RFX2: variants seen among roughly 807,000 people sequenced by gnomAD.
RFX2 encodes DNA-binding protein RFX2.
A neutral mutation model predicts 87.8 loss-of-function variants in RFX2; 20 were observed. That is an observed-to-expected ratio of 0.23 (90% CI 0.16 to 0.33). The LOEUF is 0.33. Among genes scored for constraint, RFX2 ranks in the 10% least tolerant of loss-of-function variants. The pLI, the probability that RFX2 is intolerant of heterozygous loss-of-function variation, is 1.00. For missense variants in RFX2, 767 were observed against 1,012.3 expected, an observed-to-expected ratio of 0.76 and a Z score of 3.29; for synonymous variants, 397 against 431.3, an observed-to-expected ratio of 0.92 and a Z score of 0.98.
In RFX2 at chr19:6,001,727, G is replaced by C; in HGVS notation, c.1859+88C>G. The C allele has an allele frequency of 8.4e-7, 1 of 1,186,316 alleles. No homozygotes were observed. Among genetic ancestry groups the C allele is most frequent in the Admixed American group, 2.6e-5 (1 of 38,772 alleles). 73.5% of individuals were successfully genotyped at this position (1,186,316 alleles called of 1,614,324 possible). A position where few individuals can be genotyped will look rare whatever the true frequency, so the allele number is the denominator to read the frequency against. ...TCTGCTGAGCCCTGTTTTGCTCTGA[G>C]CTCACCAGCCGAGCCCCCTACCCTC... On this transcript the variant is annotated intron_variant, in intron 15 of 17. Transcript: ENST00000303657. This position sits in a 1 kb window ranked among gnomAD's most constrained non-coding sequence, Gnocchi z 5.6.
In RFX2 at chr19:6,020,973, A is replaced by T. The variant is rs1044245106; in HGVS notation, c.598-4702T>A. Among the ~76,000 whole-genome samples the T allele has an allele frequency of 1.3e-5, 2 of 152,170 alleles. No individual in the cohort carries two copies. Among genetic ancestry groups the T allele is most frequent in the East Asian group, 1.9e-4 (1 of 5,198 alleles). On this transcript the variant is annotated intron_variant, in intron 6 of 17. Coordinates refer to ENST00000303657, the MANE Select transcript of RFX2 (RefSeq NM_000635.4). This position sits in a 1 kb window ranked among gnomAD's most constrained non-coding sequence, Gnocchi z 5.3. ...GCGCCTCCCTCTCCCCGGCCCCCCA[A>T]CAAAGGCCTGTGGTTCTGGGCTCTT...
In RFX2 at chr19:6,047,461, C is replaced by T. The variant is rs371891474; in HGVS notation, c.36G>A (p.Ala12=). 6.2e-6 allele frequency: 10 copies of T among 1,607,016 alleles called. No homozygotes were observed. The highest frequency in any genetic ancestry group is 2.2e-5 in the East Asian group (1 of 44,574). Residue 12 remains alanine, a synonymous_variant, in exon 2 of 18, where the codon GCG becomes GCA. Coordinates refer to ENST00000303657, the MANE Select transcript of RFX2 (RefSeq NM_000635.4). The surrounding 1 kb of genome is among the most constrained non-coding windows in gnomAD (Gnocchi z 4.2). ...QNSEGGADSP[A]SVALRPSAAA... is the part of the protein sequence containing the mutation. Reference sequence around the variant, plus strand: ...CCGCCGAGGGACGCAGAGCCACGGACGCTGGCGAATCCGCTCCACCCTCGG... The same window carrying T: ...CCGCCGAGGGACGCAGAGCCACGGATGCTGGCGAATCCGCTCCACCCTCGG...
chr19:6,085,028 T>C (rs2087837397), intron 1 of RFX2, among the ~76,000 whole-genome samples: 1 of 152,222 alleles, frequency 6.6e-6, no homozygotes, highest in Admixed American at 6.5e-5. Flanking sequence ...TGTCAGAATT[T>C]CCTTCCTTTT....
chr19:6,019,332 G>A (rs1011352816), intron 6 of RFX2, among the ~76,000 whole-genome samples: 2 of 152,076 alleles, frequency 1.3e-5, no homozygotes, highest in South Asian at 2.1e-4. Flanking sequence ...TTCATCTTCC[G>A]ACTTTCTGGA....
chr19:6,082,145 G>A (rs1434478733), intron 1 of RFX2, among the ~76,000 whole-genome samples: 4 of 151,876 alleles, frequency 2.6e-5, no homozygotes, highest in Non-Finnish European at 4.4e-5. Context: ...ATCTGGGTGT[G>A]GTGGTGCACA....
At chr19:6,035,321 C>T (rs1447605062) in intron 5 of RFX2, among the ~76,000 whole-genome samples, 2 of 151,990 alleles carry the variant, frequency 1.3e-5, no homozygotes, top group South Asian at 2.1e-4. Flanking sequence ...CTGGACACAA[C>T]CCAAACAGTA....
chr19:6,104,292 G>A (rs944120102), intron 1 of RFX2, among the ~76,000 whole-genome samples: 14 of 151,990 alleles, frequency 9.2e-5, no homozygotes, highest in East Asian at 1.9e-4. Context: ...TTTTTTGGCC[G>A]GGTGCGGTGG....
Position 6,026,146 on chromosome 19 carries a change from G to T in RFX2, c.597+17C>A. ...AAGCAGAGCAGGGACAGGTTGCCAG[G>T]TCAGACGCACACTTACATGGCTGTT... On this transcript the variant is annotated intron_variant, in intron 6 of 17. Coordinates refer to ENST00000303657, the MANE Select transcript of RFX2 (RefSeq NM_000635.4). The surrounding 1 kb of genome is among the most constrained non-coding windows in gnomAD (Gnocchi z 4.5). The T allele has an allele frequency of 6.2e-7, 1 of 1,608,278 alleles. No homozygotes were observed. Among genetic ancestry groups the T allele is most frequent in the Non-Finnish European group, 8.5e-7 (1 of 1,175,792 alleles).
chr19:6,063,764 G>A lies in RFX2; in HGVS notation c.-8-16260C>T, dbSNP rs1031834844. On this transcript the variant is annotated intron_variant, in intron 1 of 17. Transcript: ENST00000303657. The surrounding 1 kb of genome is among the most constrained non-coding windows in gnomAD (Gnocchi z 4.0). ...ATACACTCTGGGGTGGGGCCGTCCT[G>A]GGCACCGCAGGGTGCTGGGCAGCAT... is the stretch of plus-strand genomic sequence containing the variant. Among the ~76,000 whole-genome samples, 1 of 152,182 alleles carries A rather than the reference G, an allele frequency of 6.6e-6. No homozygotes were observed. Among genetic ancestry groups the A allele is most frequent in the Non-Finnish European group, 1.5e-5 (1 of 68,030 alleles).
chr19:6,087,074 G>C (rs1446603840), intron 1 of RFX2, among the ~76,000 whole-genome samples: 1 of 152,040 alleles, frequency 6.6e-6, no homozygotes, highest in East Asian at 1.9e-4. Context: ...TATAAACCAG[G>C]CAGATCTGTG....
rs962112210 is a variant in RFX2, at chr19:6,008,144, C to T, written c.1096G>A (p.Val366Ile). 49 of 1,554,874 alleles carry T rather than the reference C, an allele frequency of 3.2e-5. No individual in the cohort carries two copies. Among genetic ancestry groups the T allele is most frequent in the Non-Finnish European group, 3.0e-5 (35 of 1,148,554 alleles). The change falls in exon 10 of 18, where the codon GTC (valine) becomes ATC (isoleucine). Residue 366 changes from valine (V) to isoleucine (I), a missense_variant. Physicochemically the swap from Val to Ile is conservative, Grantham distance 29 (BLOSUM62 3). Coordinates refer to ENST00000303657, the MANE Select transcript of RFX2 (RefSeq NM_000635.4). ...LLQDGVTLHD[V>I]KALQLVYRRH... ...CTGTACACCAGCTGCAGGGCCTTGA[C>T]GTCGTGCAGTGTGACGCCGTCCTGC... is the stretch of plus-strand genomic sequence containing the variant.
rs1458534851 is a variant in RFX2 at position 6,040,947 on chromosome 19, C to T, written c.261-706G>A. 6.6e-6 allele frequency among the ~76,000 whole-genome samples: 1 copy of T among 152,138 alleles called. No individual in the cohort carries two copies. The highest frequency in any genetic ancestry group is 1.5e-5 in the Non-Finnish European group (1 of 68,042). ...ATGCAAGGGTACACACATGAACATG[C>T]AAAGCCACATGTACTCCACATGCAA... On this transcript the variant is annotated intron_variant, in intron 4 of 17. Transcript: ENST00000303657. This position sits in a 1 kb window ranked among gnomAD's most constrained non-coding sequence, Gnocchi z 6.1.
chr19:6,068,745 G>T (rs534604100), intron 1 of RFX2, among the ~76,000 whole-genome samples: 1 of 152,348 alleles, frequency 6.6e-6, no homozygotes, highest in East Asian at 1.9e-4. Context: ...CATTGTAGGG[G>T]CTCTGGCTTT....
At position 6,026,145 on chromosome 19, in the gene RFX2, G is replaced by A. The variant is rs542166461; in HGVS notation, c.597+18C>T. ...CAAGCAGAGCAGGGACAGGTTGCCA[G>A]GTCAGACGCACACTTACATGGCTGT... On this transcript the variant is annotated intron_variant, in intron 6 of 17. Coordinates refer to ENST00000303657, the MANE Select transcript of RFX2 (RefSeq NM_000635.4). This position sits in a 1 kb window ranked among gnomAD's most constrained non-coding sequence, Gnocchi z 4.5. The A allele has an allele frequency of 6.2e-7, 1 of 1,606,074 alleles. No individual in the cohort carries two copies. Among genetic ancestry groups the A allele is most frequent in the Non-Finnish European group, 8.5e-7 (1 of 1,173,806 alleles).
At chr19:6,028,540 A>G (rs1422620822) in intron 5 of RFX2, among the ~76,000 whole-genome samples, 1 of 152,196 alleles carries the variant, frequency 6.6e-6, no homozygotes, top group Non-Finnish European at 1.5e-5. Context: ...AGTTACATTA[A>G]AATCCATTAA....
Position 6,013,188 on chromosome 19 carries a change from C to CT in RFX2, c.780-84dup, listed in dbSNP as rs2086682275. The CT allele has an allele frequency of 2.2e-6, 3 of 1,361,448 alleles. No homozygotes were observed. The highest frequency in any genetic ancestry group is 2.7e-5 in the East Asian group (1 of 37,150). The allele number at this position is 1,361,448 out of a possible 1,614,324, so 84.3% of individuals were successfully genotyped here. Reference sequence around the variant, plus strand: ...AGGTTGGGATTCTTTTTCTTTCTTTCTTCTTTTTTTTTTTTGAGACAGAAT... The same window carrying CT: ...AGGTTGGGATTCTTTTTCTTTCTTTCTTTCTTTTTTTTTTTTGAGACAGAAT... On this transcript the variant is annotated intron_variant, in intron 7 of 17. Coordinates refer to ENST00000303657, the MANE Select transcript of RFX2 (RefSeq NM_000635.4). This position sits in a 1 kb window ranked among gnomAD's most constrained non-coding sequence, Gnocchi z 4.1.
intron 1 of RFX2, among the ~76,000 whole-genome samples, chr19:6,084,822 C>T (rs1401534808): frequency 1.3e-5 from 2 of 152,054 alleles, no homozygotes; most frequent in African/African-American, 4.8e-5. Flanking sequence ...TTAGTAGAGG[C>T]TGGGTTTCAC....
Position 6,026,242 on chromosome 19 carries a change from A to T in RFX2, c.523-5T>A. 1 of 1,612,936 alleles carries T rather than the reference A, an allele frequency of 6.2e-7. No individual in the cohort carries two copies. Among genetic ancestry groups the T allele is most frequent in the South Asian group, 1.1e-5 (1 of 90,910 alleles). ...GTTTTCAATCGCCATTTCAAGCTAA[A>T]GAAAATGTGTGCAGAAACAAAACAA... On this transcript the variant is annotated splice_region_variant and splice_polypyrimidine_tract_variant and intron_variant, in intron 5 of 17. Transcript: ENST00000303657. This position sits in a 1 kb window ranked among gnomAD's most constrained non-coding sequence, Gnocchi z 4.5.
intron 1 of RFX2, among the ~76,000 whole-genome samples, chr19:6,066,776 CGGCCCTCATT>C (rs2144821263): frequency 6.6e-6 from 1 of 152,268 alleles, no homozygotes; most frequent in South Asian, 2.1e-4. Flanking sequence ...ACTGTTTGCC[CGGCCCTCATT>C]GTTTGCTAAG....
Sources: gnomAD v4.1 joint callset for allele counts (sites outside exome capture counted in the v4.1 genomes callset) on GRCh38, gnomAD v4.1.1 for gene constraint, Gnocchi (gnomAD v3.1) non-coding constraint, MANE v1.5 for transcripts, NCBI Gene and HGNC (gene_info 2026-07-23, HGNC 2026-07-21) for gene names.